LPP: variants seen among roughly 807,000 people sequenced by gnomAD.
LPP encodes lipoma-preferred partner.
LPP carries 38 observed loss-of-function variants against 60.4 expected under a neutral mutation model. That is an observed-to-expected ratio of 0.63 (90% CI 0.49 to 0.83). The LOEUF is 0.83. Ranked by LOEUF, LPP falls within the 40% of genes least tolerant of loss-of-function variation. The pLI is 0.00. For synonymous variants in LPP, 328 were observed against 290.8 expected (o/e 1.13, Z -1.30); for missense variants, 902 against 783.6 (o/e 1.15, Z -1.80).
chr3:188,241,935 C>T (rs922369168), intron 2 of LPP, among the ~76,000 whole-genome samples: 4 of 152,248 alleles, frequency 2.6e-5, no homozygotes, highest in African/African-American at 7.2e-5. Flanking sequence ...ATTCCAGTGA[C>T]CTCTGCTCAT....
chr3:188,499,993 C>G (rs1031325867), intron 5 of LPP, among the ~76,000 whole-genome samples: 1 of 151,948 alleles, frequency 6.6e-6, no homozygotes, highest in Non-Finnish European at 1.5e-5. Flanking sequence ...CTATTTAGTT[C>G]TAATAGTCTT....
At chr3:188,207,434 G>A (rs1733597700) in intron 1 of LPP, among the ~76,000 whole-genome samples, 1 of 151,610 alleles carries the variant, frequency 6.6e-6, no homozygotes. Flanking sequence ...GTTTCACCAG[G>A]TTGGCCATGC....
At chr3:188,166,125 C>T (rs1719868060) in intron 1 of LPP, among the ~76,000 whole-genome samples, 1 of 152,120 alleles carries the variant, frequency 6.6e-6, no homozygotes, top group Non-Finnish European at 1.5e-5. Context: ...TTGAAAACTC[C>T]TCTGCGAGGT....
At chr3:188,584,853 C>T (rs1460609666) in intron 6 of LPP, among the ~76,000 whole-genome samples, 1 of 151,902 alleles carries the variant, frequency 6.6e-6, no homozygotes, top group Admixed American at 6.6e-5. Flanking sequence ...GTGAAGATGG[C>T]CTGAGTTCTC....
rs118151941 is a variant in LPP at position 188,740,154 on chromosome 3, T to C, written c.1241-19959T>C. On this transcript the variant is annotated intron_variant, in intron 8 of 11. Transcript: ENST00000617246. The stretch of plus-strand genomic sequence containing the variant: ...CAGGTTGTCAATGTGAGAGCTAATG[T>C]TGATATCAACACAGGCATCAGAAAG... Among the ~76,000 whole-genome samples the C allele has an allele frequency of 8.1e-3, 1,237 of 152,182 alleles. 4 individuals are homozygous for C. Among genetic ancestry groups the C allele is most frequent in the Non-Finnish European group, 0.011 (777 of 67,942 alleles).
Position 188,879,589 on chromosome 3 carries a change from T to C in LPP, c.*5110T>C, listed in dbSNP as rs1321033884. 1 of 190,418 alleles carries C rather than the reference T, an allele frequency of 5.3e-6. No homozygotes were observed. The highest frequency in any genetic ancestry group is 1.1e-5 in the Non-Finnish European group (1 of 90,714). 11.8% of individuals were successfully genotyped at this position (190,418 alleles called of 1,614,324 possible). On this transcript the variant is annotated 3_prime_UTR_variant, in exon 12 of 12. Coordinates refer to ENST00000617246, the MANE Select transcript of LPP (RefSeq NM_001375462.1). ...TTCATTTGTGACTGATCTAGTTTTC[T>C]CAGCTGTATGCAAAGTAATCTTTCA... is the stretch of plus-strand genomic sequence containing the variant.
chr3:188,536,102 G>A (rs866460826), intron 6 of LPP, among the ~76,000 whole-genome samples: 2 of 149,422 alleles, frequency 1.3e-5, no homozygotes, highest in Non-Finnish European at 3.0e-5. Context: ...ACTGCCTCCC[G>A]GGTTCAAGCA....
chr3:188,701,532 A>G (rs1864407447), intron 7 of LPP, among the ~76,000 whole-genome samples: 1 of 152,250 alleles, frequency 6.6e-6, no homozygotes, highest in Non-Finnish European at 1.5e-5. Context: ...ACTTATCTCC[A>G]TGTGGTAGTT....
At chr3:188,470,113 G>A (rs1311683237) in intron 4 of LPP, among the ~76,000 whole-genome samples, 1 of 151,926 alleles carries the variant, frequency 6.6e-6, no homozygotes, top group Non-Finnish European at 1.5e-5. Flanking sequence ...CTAGTAAATG[G>A]TTCCAAGTGG....
chr3:188,643,595 A>G (rs910466391), intron 7 of LPP, among the ~76,000 whole-genome samples: 6 of 152,136 alleles, frequency 3.9e-5, no homozygotes, highest in Non-Finnish European at 7.3e-5. Flanking sequence ...GCCTTTTTAG[A>G]TAGAGTATAT....
intron 9 of LPP, among the ~76,000 whole-genome samples, chr3:188,767,741 A>T (rs1187807350): frequency 1.3e-5 from 2 of 152,176 alleles, no homozygotes; most frequent in Admixed American, 1.3e-4. Flanking sequence ...AGTAGTGATG[A>T]TGCTAACACT....
intron 6 of LPP, among the ~76,000 whole-genome samples, chr3:188,607,683 C>T (rs1241249123): frequency 6.6e-6 from 1 of 151,812 alleles, no homozygotes. Flanking sequence ...TATGATTTAA[C>T]ATTTTTATTT....
intron 8 of LPP, among the ~76,000 whole-genome samples, chr3:188,743,170 G>A (rs1725032655): frequency 6.6e-6 from 1 of 152,080 alleles, no homozygotes; most frequent in African/African-American, 2.4e-5. Flanking sequence ...CTTTTCCAAA[G>A]CATTCTGCAT....
rs548553438 is a variant in LPP at position 188,610,806 on chromosome 3, T to C, written c.1113+962T>C. On this transcript the variant is annotated intron_variant, in intron 7 of 11. Transcript: ENST00000617246. The surrounding 1 kb of genome is among the most constrained non-coding windows in gnomAD (Gnocchi z 4.4). ...AAGAATAACTTGGAATCGGTGAAAATAGAGGAACTGAGCCAGTTTCCAGCC... is the reference window on the plus strand; with the variant it reads ...AAGAATAACTTGGAATCGGTGAAAACAGAGGAACTGAGCCAGTTTCCAGCC... 4.6e-5 allele frequency among the ~76,000 whole-genome samples: 7 copies of C among 152,210 alleles called. No homozygotes were observed. In the East Asian group the frequency reaches 9.7e-4, roughly 21 times the overall value.
At chr3:188,543,362 A>G (rs183351170) in intron 6 of LPP, among the ~76,000 whole-genome samples, 123 of 151,946 alleles carry the variant, frequency 8.1e-4, no homozygotes, top group African/African-American at 2.3e-3. Context: ...GAAAACGCGT[A>G]TTTTCTCTTT....
intron 2 of LPP, among the ~76,000 whole-genome samples, chr3:188,313,265 C>T (rs1207888276): frequency 6.6e-6 from 1 of 150,602 alleles, no homozygotes; most frequent in Non-Finnish European, 1.5e-5. Flanking sequence ...ACAAAGATTC[C>T]CCATTCCTAT....
chr3:188,267,980 A>T (rs1251297075), intron 2 of LPP, among the ~76,000 whole-genome samples: 2 of 145,390 alleles, frequency 1.4e-5, no homozygotes, highest in South Asian at 2.2e-4. Context: ...AGGAACACTT[A>T]TGAGAGGAAT....
intron 7 of LPP, among the ~76,000 whole-genome samples, chr3:188,662,582 G>A (rs1560027827): frequency 1.3e-5 from 2 of 152,188 alleles, no homozygotes; most frequent in Non-Finnish European, 2.9e-5. Flanking sequence ...TAAATTTAAA[G>A]ATTGACTTTA....
chr3:188,823,465 G>T lies in LPP; in HGVS notation c.1411-42735G>T, dbSNP rs192460868. Among the ~76,000 whole-genome samples the T allele has an allele frequency of 2.0e-4, 31 of 152,170 alleles. No homozygotes were observed. The East Asian group carries it at 3.9e-3, about 19-fold the overall frequency. ...CCAGTTCGGAACCAATTTTTATTGGGCACAGACTTGGGGGGAGCAGAAAAA... is the reference window on the plus strand; with the variant it reads ...CCAGTTCGGAACCAATTTTTATTGGTCACAGACTTGGGGGGAGCAGAAAAA... On this transcript the variant is annotated intron_variant, in intron 9 of 11. Transcript: ENST00000617246.
Sources: allele counts gnomAD v4.1 joint callset (sites outside exome capture counted in the v4.1 genomes callset), GRCh38; gene constraint gnomAD v4.1.1; non-coding constraint Gnocchi (gnomAD v3.1); transcripts MANE v1.5; gene names NCBI Gene and HGNC (gene_info 2026-07-23, HGNC 2026-07-21).